Variants in IQCN observed in about 807,000 individuals in gnomAD.
IQCN encodes the protein IQ domain-containing protein N.
Under a neutral mutation model 64.4 loss-of-function variants are expected in IQCN, and 46 were observed. The observed-to-expected ratio is 0.71, with a 90% CI of 0.56 to 0.91. The LOEUF (loss-of-function observed/expected upper bound fraction) is 0.91, where lower values mean the gene tolerates loss of function less well. Among genes scored for constraint, IQCN ranks in the 40% least tolerant of loss-of-function variants. IQCN has a pLI of 0.00. For synonymous variants in IQCN, 733 were observed against 775.6 expected, an observed-to-expected ratio of 0.95 and a Z score of 0.91; for missense variants, 1,753 against 1,857.4, an observed-to-expected ratio of 0.94 and a Z score of 1.03.
Position 18,271,375 on chromosome 19 carries a change from C to T in IQCN, c.-109-1788G>A, listed in dbSNP as rs952261346. Among the ~76,000 whole-genome samples, 44 of 149,800 alleles carry T rather than the reference C, an allele frequency of 2.9e-4. 1 individual carries two copies. The highest frequency in any genetic ancestry group is 1.0e-3 in the Admixed American group (15 of 14,794). On this transcript the variant is annotated intron_variant, in intron 1 of 3. Transcript: ENST00000392413. Reference sequence around the variant, plus strand: ...ATCCCAGCTACTTAGGAGGCTGAGGCGGGAGAATCTCTTGAACCCAGTAGG... The same window carrying T: ...ATCCCAGCTACTTAGGAGGCTGAGGTGGGAGAATCTCTTGAACCCAGTAGG...
In IQCN at chr19:18,267,308, G is replaced by A. The variant is rs373171947; in HGVS notation, c.232C>T (p.Arg78Cys). 4.8e-5 allele frequency: 77 copies of A among 1,614,134 alleles called. No individual in the cohort carries two copies. Among genetic ancestry groups the A allele is most frequent in the Non-Finnish European group, 5.8e-5 (69 of 1,180,050 alleles). ...QPAEGKTASRRVPRLRAVVES... is the reference protein window; with the variant it reads ...QPAEGKTASRCVPRLRAVVES... ...ACCACAGCCCGGAGGCGTGGGACGC[G>A]GCGGGACGCCGTCTTGCCTTCGGCA... Residue 78 changes from arginine to cysteine, a missense_variant, in exon 3 of 4, where the codon CGC (arginine) becomes TGC (cysteine). By Grantham distance (180) the Arg-to-Cys change is radical (BLOSUM62 -3). Transcript: ENST00000392413.
Position 18,267,201 on chromosome 19 carries a change from G to T in IQCN, c.339C>A (p.Asn113Lys), listed in dbSNP as rs1969618559. The change falls in exon 3 of 4, where the codon AAC (asparagine) becomes AAA (lysine). Residue 113 changes from asparagine (N) to lysine (K), a missense_variant. Physicochemically the swap from Asn to Lys is moderately conservative, Grantham distance 94. Coordinates refer to ENST00000392413, the MANE Select transcript of IQCN (RefSeq NM_001145304.2). ...HARAATLIQANWRGYWLRQKL... is the reference protein window; with the variant it reads ...HARAATLIQAKWRGYWLRQKL... ...TCTGCCGGAGCCAATAGCCCCTCCAGTTGGCTTGGATGAGCGTGGCTGCAC... is the reference window on the plus strand; with the variant it reads ...TCTGCCGGAGCCAATAGCCCCTCCATTTGGCTTGGATGAGCGTGGCTGCAC... 1.9e-6 allele frequency: 3 copies of T among 1,614,160 alleles called. No homozygotes were observed. Among genetic ancestry groups the T allele is most frequent in the Non-Finnish European group, 2.5e-6 (3 of 1,180,066 alleles).
At chr19:18,273,054 G>T (rs948011346) in intron 1 of IQCN, among the ~76,000 whole-genome samples, 1 of 151,974 alleles carries the variant, frequency 6.6e-6, no homozygotes, top group Non-Finnish European at 1.5e-5. Flanking sequence ...TGAGATGGAC[G>T]GAATCTTGCT....
rs970628103 is a variant in IQCN at position 18,267,305 on chromosome 19, C to A, written c.235G>T (p.Val79Phe). 6.2e-7 allele frequency: 1 copy of A among 1,614,230 alleles called. No individual in the cohort carries two copies. The highest frequency in any genetic ancestry group is 1.7e-5 in the Admixed American group (1 of 60,028). The change falls in exon 3 of 4, where the codon GTC becomes TTC. Residue 79 changes from valine (V) to phenylalanine (F), a missense_variant. Val to Phe is a conservative substitution (Grantham distance 50). Coordinates refer to ENST00000392413, the MANE Select transcript of IQCN (RefSeq NM_001145304.2). Reference sequence around the variant, plus strand: ...TCGACCACAGCCCGGAGGCGTGGGACGCGGCGGGACGCCGTCTTGCCTTCG... The same window carrying A: ...TCGACCACAGCCCGGAGGCGTGGGAAGCGGCGGGACGCCGTCTTGCCTTCG... ...PAEGKTASRR[V>F]PRLRAVVESQ...
chr19:18,265,278 C>A lies in IQCN; in HGVS notation c.2262G>T (p.Thr754=), dbSNP rs143618186. Residue 754 remains threonine, a synonymous_variant, in exon 3 of 4, where the codon ACG becomes ACT. Transcript: ENST00000392413. This position sits in a 1 kb window ranked among gnomAD's most constrained non-coding sequence, Gnocchi z 4.7. ...CAGCCTGGTGCGCTGGGATGAGGCA[C>A]GTGGTTATGTCTGTGATCGGCTGCC... ...SRGQPITDIT[T]CLIPAHQAAD... is the part of the protein sequence containing the mutation. 6.2e-7 allele frequency: 1 copy of A among 1,613,854 alleles called. No homozygotes were observed. Among genetic ancestry groups the A allele is most frequent in the East Asian group, 2.2e-5 (1 of 44,890 alleles).
chr19:18,258,168 G>A, intron 3 of IQCN, 62 bp from the exon 4 acceptor site: 2 of 1,557,802 alleles, frequency 1.3e-6, no homozygotes, highest in Non-Finnish European at 1.8e-6. Flanking sequence ...GGGGCTATAG[G>A]AGTCCTGCCG....
chr19:18,260,273 G>C (rs1277930461), intron 3 of IQCN: 2 of 152,462 alleles, frequency 1.3e-5, no homozygotes, highest in Non-Finnish European at 2.9e-5. Context: ...CTTCACATAG[G>C]TTCACCCCAG....
At chr19:18,258,350 G>T (rs1245824476) in intron 3 of IQCN, 2 of 693,020 alleles carry the variant, frequency 2.9e-6, no homozygotes, top group Admixed American at 2.0e-5. Context: ...TGTGGGTGGG[G>T]TTTGCACCAC....
At position 18,258,088 on chromosome 19, in the gene IQCN, C is replaced by T; in HGVS notation, c.3196G>A (p.Val1066Met). 1 of 1,611,144 alleles carries T rather than the reference C, an allele frequency of 6.2e-7. No homozygotes were observed. The highest frequency in any genetic ancestry group is 1.1e-5 in the South Asian group (1 of 91,090). ...QTSKGPADAG[V>M]VGGQSWNRAW... is the part of the protein sequence containing the mutation. ...CGGTTCCACGATTGGCCACCAACCA[C>T]ACCAGCGTCCGCGGGGCCCTGGAGT... Residue 1066 changes from valine (V) to methionine (M), a missense_variant, in exon 4 of 4, where the codon GTG becomes ATG. Transcript: ENST00000392413.
At chr19:18,273,491 C>A (rs1969786140) in intron 1 of IQCN, among the ~76,000 whole-genome samples, 1 of 152,174 alleles carries the variant, frequency 6.6e-6, no homozygotes, top group Non-Finnish European at 1.5e-5. Flanking sequence ...CATGCGCCAC[C>A]ACACCTAATT....
In IQCN at chr19:18,264,668, C is replaced by A; in HGVS notation, c.2872G>T (p.Glu958Ter). The A allele has an allele frequency of 1.3e-6, 2 of 1,551,282 alleles. No individual in the cohort carries two copies. Among genetic ancestry groups the A allele is most frequent in the South Asian group, 2.4e-5 (2 of 84,062 alleles). Residue 958 changes from glutamate (E) to a stop codon, truncating the protein, a stop_gained, in exon 3 of 4, where the codon GAG becomes TAG. Coordinates refer to ENST00000392413, the MANE Select transcript of IQCN (RefSeq NM_001145304.2). LOFTEE classifies it high-confidence loss of function. The surrounding 1 kb of genome is among the most constrained non-coding windows in gnomAD (Gnocchi z 4.3). ...LTLSRALSRG[E>*]LRAELTKVMQ... is the part of the protein sequence containing the mutation. ...ACCTTGGTGAGTTCCGCCCGCAGCT[C>A]GCCCCGGGACAGGGCTCGGGACAGG...
chr19:18,268,555 C>T (rs908028501), intron 2 of IQCN, among the ~76,000 whole-genome samples: 5 of 152,166 alleles, frequency 3.3e-5, no homozygotes, highest in Admixed American at 2.6e-4. Context: ...TGGCCCGGCA[C>T]GGTGGCTCAT....
At chr19:18,272,457 G>A (rs1381153675) in intron 1 of IQCN, among the ~76,000 whole-genome samples, 1 of 151,446 alleles carries the variant, frequency 6.6e-6, no homozygotes, top group Non-Finnish European at 1.5e-5. Flanking sequence ...TGTGTGTTGA[G>A]AGGGCTGCAG....
intron 3 of IQCN, chr19:18,258,694 A>G: frequency 3.0e-6 from 1 of 337,724 alleles, no homozygotes; most frequent in Non-Finnish European, 5.9e-6. Flanking sequence ...AGCAATCTGA[A>G]AGCCTCAGTA....
At chr19:18,262,113 G>C (rs1969442221) in intron 3 of IQCN, 1 of 152,690 alleles carries the variant, frequency 6.5e-6, no homozygotes, top group African/African-American at 2.4e-5. Flanking sequence ...TGGGTATTCT[G>C]GGCTTGGGGA....
Position 18,271,282 on chromosome 19 carries a change from C to CAA in IQCN, c.-109-1697_-109-1696dup, listed in dbSNP as rs529298918. Among the ~76,000 whole-genome samples, 277 of 151,828 alleles carry CAA rather than the reference C, an allele frequency of 1.8e-3. 1 individual carries two copies. Among genetic ancestry groups the CAA allele is most frequent in the African/African-American group, 6.4e-3 (263 of 41,392 alleles). On this transcript the variant is annotated intron_variant, in intron 1 of 3. Transcript: ENST00000392413. The stretch of plus-strand genomic sequence containing the variant: ...GTCAGGAGTTCAAGACCAGCCTGGC[C>CAA]AACATGGTGAAACTCTGTCTCTACT...
At position 18,266,359 on chromosome 19, in the gene IQCN, G is replaced by A; in HGVS notation, c.1181C>T (p.Thr394Ile). The change falls in exon 3 of 4, where the codon ACA (threonine) becomes ATA (isoleucine). Residue 394 changes from threonine (T) to isoleucine (I), a missense_variant. Coordinates refer to ENST00000392413, the MANE Select transcript of IQCN (RefSeq NM_001145304.2). The surrounding 1 kb of genome is among the most constrained non-coding windows in gnomAD (Gnocchi z 4.3). Reference sequence around the variant, plus strand: ...CTTGGTCATTGTGGGCATGGGGCATGTGTGAGGTGCAGTTTTGGTCACTGT... The same window carrying A: ...CTTGGTCATTGTGGGCATGGGGCATATGTGAGGTGCAGTTTTGGTCACTGT... ...GPTVTKTAPH[T>I]CPMPTMTKIQ... 2 of 1,612,228 alleles carry A rather than the reference G, an allele frequency of 1.2e-6. No individual in the cohort carries two copies. Among genetic ancestry groups the A allele is most frequent in the South Asian group, 1.1e-5 (1 of 90,816 alleles).
rs949137132 is a variant in IQCN at position 18,264,392 on chromosome 19, G to C, written c.3148C>G (p.Leu1050Val). ...RSPSAAWGPS[L>V]GPVRPQTSKG... ...CTGGTCTGTGGTCTCACGGGGCCCA[G>C]GGAGGGCCCCCATGCGGCCGATGGA... The change falls in exon 3 of 4, where the codon CTG (leucine) becomes GTG (valine). Residue 1050 changes from leucine (L) to valine (V), a missense_variant. Physicochemically the swap from Leu to Val is conservative, Grantham distance 32. Coordinates refer to ENST00000392413, the MANE Select transcript of IQCN (RefSeq NM_001145304.2). The surrounding 1 kb of genome is among the most constrained non-coding windows in gnomAD (Gnocchi z 4.3). The C allele has an allele frequency of 6.6e-7, 1 of 1,518,814 alleles. No individual in the cohort carries two copies. The highest frequency in any genetic ancestry group is 1.4e-5 in the African/African-American group (1 of 72,440). 94.1% of individuals were successfully genotyped at this position (1,518,814 alleles called of 1,614,324 possible).
rs189911115 is a variant in IQCN at position 18,266,473 on chromosome 19, G to A, written c.1067C>T (p.Ala356Val). Reference protein sequence around the residue: ...VSVTLPQTYPASTMTTTPPKT... With the variant: ...VSVTLPQTYPVSTMTTTPPKT... ...GGGTGGGGTGGTGGTCATCGTGGAC[G>A]CTGGATATGTCTGTGGCAGGGTCAC... The change falls in exon 3 of 4, where the codon GCG becomes GTG. Residue 356 changes from alanine (A) to valine (V), a missense_variant. Ala to Val is a moderately conservative substitution (Grantham distance 64). Coordinates refer to ENST00000392413, the MANE Select transcript of IQCN (RefSeq NM_001145304.2). The surrounding 1 kb of genome is among the most constrained non-coding windows in gnomAD (Gnocchi z 4.3). The A allele has an allele frequency of 1.3e-5, 21 of 1,586,646 alleles. No individual in the cohort carries two copies. The East Asian group carries it at 2.0e-4, about 15-fold the overall frequency.
Sources: gnomAD v4.1 joint callset for allele counts (sites outside exome capture counted in the v4.1 genomes callset) on GRCh38, gnomAD v4.1.1 for gene constraint, Gnocchi (gnomAD v3.1) non-coding constraint, MANE v1.5 for transcripts, NCBI Gene and HGNC (gene_info 2026-07-23, HGNC 2026-07-21) for gene names.